The following KHDC1 variants were observed in gnomAD, a reference collection of about 807,000 sequenced individuals.
KHDC1 encodes KH domain containing 1.
KHDC1 carries 21 observed loss-of-function variants against 24.7 expected under a neutral mutation model. That is an observed-to-expected ratio of 0.85 (90% CI 0.60 to 1.23). KHDC1 has a LOEUF of 1.23. Among genes scored for constraint, KHDC1 ranks in the 50% most tolerant of loss-of-function variants. The pLI is 0.00. For synonymous variants in KHDC1, 98 were observed against 111.7 expected (o/e 0.88, Z 0.77); for missense variants, 274 against 298.5 (o/e 0.92, Z 0.61).
chr6:73,309,417 G>C, intron 1 of KHDC1: 7 of 817,810 alleles, frequency 8.6e-6, no homozygotes, highest in Non-Finnish European at 1.2e-5. Flanking sequence ...TTTTAACATG[G>C]TGATTTGCAG....
At chr6:73,285,941 G>C (rs1213449690) in intron 2 of KHDC1, among the ~76,000 whole-genome samples, 2 of 152,100 alleles carry the variant, frequency 1.3e-5, no homozygotes, top group Non-Finnish European at 2.9e-5. Flanking sequence ...AGACAAACTG[G>C]AAAGGCCTTT....
At chr6:73,246,659 CAAG>C (rs1490287134) in intron 2 of KHDC1, among the ~76,000 whole-genome samples, 10 of 152,246 alleles carry the variant, frequency 6.6e-5, no homozygotes, top group Admixed American at 3.3e-4. Context: ...ATAAAATAAA[CAAG>C]AAGATTTTTT....
intron 2 of KHDC1, among the ~76,000 whole-genome samples, chr6:73,289,578 A>G (rs369315236): frequency 6.6e-6 from 1 of 151,576 alleles, no homozygotes; most frequent in Non-Finnish European, 1.5e-5. Flanking sequence ...TTGAACAAGG[A>G]GGCAGAGGTT....
At chr6:73,266,845 G>T (rs948097029) in intron 2 of KHDC1, among the ~76,000 whole-genome samples, 9 of 152,154 alleles carry the variant, frequency 5.9e-5, no homozygotes, top group African/African-American at 2.2e-4. Context: ...AAAAATATTT[G>T]CAAATCATGT....
rs1010437792 is a variant in KHDC1 at position 73,308,187 on chromosome 6, G to T, written c.163+1365C>A. ...CCTCCTGGGTTCACACTATTCTCCT[G>T]CCTCAGCCTCCCGAGTAGCTGGGAC... is the stretch of plus-strand genomic sequence containing the variant. On this transcript the variant is annotated intron_variant, in intron 1 of 4. Transcript: ENST00000370384. Among the ~76,000 whole-genome samples, 14 of 149,900 alleles carry T rather than the reference G, an allele frequency of 9.3e-5. No homozygotes were observed. The East Asian group carries it at 2.6e-3, about 28-fold the overall frequency.
chr6:73,264,544 G>T (rs1385991313), intron 2 of KHDC1, among the ~76,000 whole-genome samples: 1 of 152,210 alleles, frequency 6.6e-6, no homozygotes, highest in Non-Finnish European at 1.5e-5. Flanking sequence ...GAGTCCTGAA[G>T]GTTTAAGATT....
intron 1 of KHDC1, among the ~76,000 whole-genome samples, chr6:73,294,857 T>C (rs1767730658): frequency 6.6e-6 from 1 of 152,084 alleles, no homozygotes; most frequent in Non-Finnish European, 1.5e-5. Flanking sequence ...GTTCTCATGG[T>C]GTCTGGTCAT....
At chr6:73,279,551 C>T (rs1767364976) in intron 2 of KHDC1, among the ~76,000 whole-genome samples, 2 of 150,730 alleles carry the variant, frequency 1.3e-5, no homozygotes, top group Admixed American at 1.3e-4. Flanking sequence ...CTCCATTTGC[C>T]TCAATGATAA....
At chr6:73,263,298 C>A in intron 2 of KHDC1, 102 bp from the exon 1 acceptor site, 2 of 985,362 alleles carry the variant, frequency 2.0e-6, no homozygotes, top group Non-Finnish European at 2.4e-6. Flanking sequence ...AGCCCACTGC[C>A]GGCGCGCAGA....
At chr6:73,245,961 G>C (rs1766656907) in intron 2 of KHDC1, among the ~76,000 whole-genome samples, 1 of 152,210 alleles carries the variant, frequency 6.6e-6, no homozygotes, top group Admixed American at 6.5e-5. Flanking sequence ...GTTTAGCATA[G>C]TGGTAAATTA....
chr6:73,292,733 A>G, intron 1 of KHDC1: 1 of 742,084 alleles, frequency 1.3e-6, no homozygotes, highest in South Asian at 1.4e-5. Flanking sequence ...AGTCATAGCA[A>G]ACAAGGATGT....
At position 73,242,535 on chromosome 6, in the gene KHDC1, T is replaced by C. The variant is rs552325420; in HGVS notation, c.207-5A>G. 92 of 1,613,990 alleles carry C rather than the reference T, an allele frequency of 5.7e-5. No individual in the cohort carries two copies. The South Asian group carries it at 9.8e-4, about 17-fold the overall frequency. On this transcript the variant is annotated splice_polypyrimidine_tract_variant and splice_region_variant and intron_variant, in intron 2 of 4. Transcript: ENST00000370384. ...ATGTCCATGCTCTGCTCCGACCTGATACAGAATAGGGCCAAGTCCAAGCAA... is the reference window on the plus strand; with the variant it reads ...ATGTCCATGCTCTGCTCCGACCTGACACAGAATAGGGCCAAGTCCAAGCAA...
Position 73,242,328 on chromosome 6 carries a change from T to C in KHDC1, c.331+78A>G, listed in dbSNP as rs189916723. The C allele has an allele frequency of 1.1e-5, 18 of 1,607,992 alleles. No homozygotes were observed. The Admixed American group carries it at 1.8e-4, about 16-fold the overall frequency. On this transcript the variant is annotated intron_variant, in intron 3 of 4. Transcript: ENST00000370384. ...CTTCAGGGTAGGAATATGTGACTGA[T>C]GAAGGTGGGAGGGGAGAGGAAGAGT...
chr6:73,250,930 C>T (rs1337450584), intron 2 of KHDC1, among the ~76,000 whole-genome samples: 1 of 152,154 alleles, frequency 6.6e-6, no homozygotes, highest in African/African-American at 2.4e-5. Context: ...ACCTCCACCT[C>T]CCGGGTTCAA....
intron 2 of KHDC1, among the ~76,000 whole-genome samples, chr6:73,259,384 G>A (rs1175122741): frequency 1.3e-5 from 2 of 148,450 alleles, no homozygotes; most frequent in Non-Finnish European, 3.0e-5. Context: ...CTAGCCTGGA[G>A]TTCCTGGGCT....
At chr6:73,310,102 C>T (rs1582596121) in exon 1 of KHDC1, 2 of 213,864 alleles carry the variant, frequency 9.4e-6, no homozygotes, top group Non-Finnish European at 9.3e-6. Flanking sequence ...AGGAGAGGAC[C>T]CGGAGAACGG....
At chr6:73,303,919 C>A (rs1448538847) in intron 1 of KHDC1, among the ~76,000 whole-genome samples, 1 of 152,180 alleles carries the variant, frequency 6.6e-6, no homozygotes, top group African/African-American at 2.4e-5. Flanking sequence ...TGGCTCACAC[C>A]TGTAATCCTA....
chr6:73,252,810 C>T (rs916057132), intron 2 of KHDC1, among the ~76,000 whole-genome samples: 29 of 148,266 alleles, frequency 2.0e-4, no homozygotes, highest in Non-Finnish European at 3.4e-4. Flanking sequence ...GAGTGAGACT[C>T]TACCTCAAAA....
intron 2 of KHDC1, among the ~76,000 whole-genome samples, chr6:73,271,659 C>T (rs770224479): frequency 4.6e-4 from 69 of 149,602 alleles, no homozygotes; most frequent in Non-Finnish European, 7.0e-4. Context: ...TATGGGAGGC[C>T]GAGGTGGGTG....
Sources: allele counts gnomAD v4.1 joint callset (sites outside exome capture counted in the v4.1 genomes callset), GRCh38; gene constraint gnomAD v4.1.1; transcripts MANE v1.5; gene names NCBI Gene and HGNC (gene_info 2026-07-23, HGNC 2026-07-21).